Variants in RUFY1 observed in about 807,000 individuals in gnomAD.
RUFY1 encodes the protein RUN and FYVE domain containing 1, also known as RUN and FYVE domain-containing protein 1.
Under a neutral mutation model 94.6 loss-of-function variants are expected in RUFY1, and 54 were observed. The observed-to-expected ratio is 0.57, with a 90% CI of 0.46 to 0.72. RUFY1 has a LOEUF of 0.72. Ranked by LOEUF, RUFY1 falls within the 30% of genes least tolerant of loss-of-function variation. The probability of loss-of-function intolerance (pLI) is 0.00; values close to 1 mark genes in which losing one functional copy is unlikely to be tolerated. For missense variants in RUFY1, 883 were observed against 883.9 expected, an observed-to-expected ratio of 1.00 and a Z score of 0.01; for synonymous variants, 396 against 347.3, an observed-to-expected ratio of 1.14 and a Z score of -1.56.
At chr5:179,589,739 T>C in intron 9 of RUFY1, 92 bp downstream of exon 9, 1 of 986,864 alleles carries the variant, frequency 1.0e-6, no homozygotes. Flanking sequence ...CAACCCAGTC[T>C]TCAGAATGCA....
Position 179,550,603 on chromosome 5 carries a change from C to CG in RUFY1, c.39dup (p.Arg14AlafsTer18), listed in dbSNP as rs1237636339. On this transcript the variant is annotated frameshift_variant, in exon 1 of 18. Coordinates refer to ENST00000319449, the MANE Select transcript of RUFY1 (RefSeq NM_025158.5). LOFTEE classifies it high-confidence loss of function. ...CCGGGAAGGCGGCTGCGCTGCTGGG[C>CG]GGGGGCGGGAGCTGGAGCCGGAGCT... 7.4e-7 allele frequency: 1 copy of CG among 1,359,124 alleles called. No homozygotes were observed. The highest frequency in any genetic ancestry group is 1.8e-5 in the African/African-American group (1 of 54,068). 84.2% of individuals were successfully genotyped at this position (1,359,124 alleles called of 1,614,324 possible).
Position 179,550,720 on chromosome 5 carries a change from C to T in RUFY1, c.151C>T (p.Arg51Trp), listed in dbSNP as rs541260898. Residue 51 changes from arginine (R) to tryptophan (W), a missense_variant, in exon 1 of 18, where the codon CGG becomes TGG. By Grantham distance (101) the Arg-to-Trp change is moderately radical. Transcript: ENST00000319449. The stretch of plus-strand genomic sequence containing the variant: ...CCAGCTGCCCGGCCCAGGCGACCTG[C>T]GGAGCGCAACGAGGCCGCGGGCGGC... ...RSQLPGPGDL[R>W]SATRPRAAEG... 2 of 1,482,754 alleles carry T rather than the reference C, an allele frequency of 1.3e-6. No individual in the cohort carries two copies. Among genetic ancestry groups the T allele is most frequent in the South Asian group, 1.3e-5 (1 of 79,160 alleles). The allele number at this position is 1,482,754 out of a possible 1,614,324, so 91.8% of individuals were successfully genotyped here.
intron 2 of RUFY1, among the ~76,000 whole-genome samples, chr5:179,560,561 A>AC: frequency 6.6e-6 from 1 of 151,222 alleles, no homozygotes; most frequent in South Asian, 2.1e-4. Flanking sequence ...CTACTAAAAA[A>AC]AAAAAATACA....
At chr5:179,603,659 G>T (rs1168797318) in intron 15 of RUFY1, 1 of 152,296 alleles carries the variant, frequency 6.6e-6, no homozygotes, top group Non-Finnish European at 1.5e-5. Context: ...GGGGTTTGCA[G>T]CCAGTGTTTT....
chr5:179,568,841 C>T (rs1009016827), intron 4 of RUFY1, among the ~76,000 whole-genome samples: 2 of 152,122 alleles, frequency 1.3e-5, no homozygotes, highest in African/African-American at 4.8e-5. Context: ...TGCAAATGGC[C>T]GCGATAACTG....
intron 7 of RUFY1, among the ~76,000 whole-genome samples, chr5:179,582,077 T>C (rs915595732): frequency 6.6e-6 from 1 of 152,174 alleles, no homozygotes; most frequent in Non-Finnish European, 1.5e-5. Context: ...GAAATAGATA[T>C]TAAATTTTAG....
intron 3 of RUFY1, 144 bp downstream of exon 3, chr5:179,562,808 A>C: frequency 3.3e-6 from 2 of 609,170 alleles, no homozygotes; most frequent in East Asian, 2.8e-5. Context: ...GCAAGACTTG[A>C]CTCTCTCTGA....
At chr5:179,594,816 T>TGCAAG (rs757597434) in intron 11 of RUFY1, 50 bp from the exon 12 acceptor site, 4 of 1,039,216 alleles carry the variant, frequency 3.8e-6, no homozygotes, top group Non-Finnish European at 5.9e-6. Context: ...CCAGAGCAGG[T>TGCAAG]GCAAGGATGT....
rs571192204 is a variant in RUFY1, at chr5:179,553,210, G to A, written c.310+2331G>A. Among the ~76,000 whole-genome samples the A allele has an allele frequency of 4.6e-5, 7 of 152,352 alleles. No homozygotes were observed. In the East Asian group the frequency reaches 1.3e-3, roughly 29 times the overall value. ...TTGGGATTGCACCCTCCGAATCTCA[G>A]GGCAGGGTGGCTGGTACCACAGCAC... is the stretch of plus-strand genomic sequence containing the variant. On this transcript the variant is annotated intron_variant, in intron 1 of 17. Transcript: ENST00000319449.
intron 6 of RUFY1, among the ~76,000 whole-genome samples, chr5:179,580,526 G>A (rs1442786786): frequency 6.6e-6 from 1 of 150,454 alleles, no homozygotes; most frequent in African/African-American, 2.4e-5. Context: ...ACAGGCGTGA[G>A]CCACCACGCC....
rs928461673 is a variant in RUFY1, at chr5:179,585,716, ATCTC to A, written c.957-76_957-73del. On this transcript the variant is annotated intron_variant, in intron 7 of 17. Transcript: ENST00000319449. ...TCCATTTCATACAGGAAATCTAGGA[ATCTC>A]TCTTACTGTTTACAGATTGAGAAAA... 6 of 1,020,674 alleles carry A rather than the reference ATCTC, an allele frequency of 5.9e-6. No individual in the cohort carries two copies. In the South Asian group the frequency reaches 6.9e-5, roughly 12 times the overall value. The allele number at this position is 1,020,674 out of a possible 1,614,324, so 63.2% of individuals were successfully genotyped here. A position where few individuals can be genotyped will look rare whatever the true frequency, so the allele number is the denominator to read the frequency against.
At chr5:179,595,656 A>G (rs765619243) in intron 12 of RUFY1, among the ~76,000 whole-genome samples, 2 of 151,788 alleles carry the variant, frequency 1.3e-5, no homozygotes, top group Non-Finnish European at 2.9e-5. Context: ...GGTTCAAGCA[A>G]TTCTCCTGCC....
chr5:179,560,457 C>T (rs1410677173), intron 2 of RUFY1, among the ~76,000 whole-genome samples: 2 of 152,068 alleles, frequency 1.3e-5, no homozygotes, highest in South Asian at 2.1e-4. Context: ...CGGTGGCTCA[C>T]GCCTGTAATC....
At chr5:179,568,551 A>G (rs1762999932) in intron 4 of RUFY1, among the ~76,000 whole-genome samples, 1 of 152,228 alleles carries the variant, frequency 6.6e-6, no homozygotes, top group African/African-American at 2.4e-5. Flanking sequence ...ACACTGAGTA[A>G]CTTTGAGTTA....
intron 2 of RUFY1, among the ~76,000 whole-genome samples, chr5:179,562,135 C>T (rs375395020): frequency 7.3e-5 from 11 of 151,188 alleles, no homozygotes; most frequent in African/African-American, 2.2e-4. Flanking sequence ...TTAAGCAGGC[C>T]GGGCGCTGTG....
At chr5:179,561,822 A>G (rs1762484472) in intron 2 of RUFY1, among the ~76,000 whole-genome samples, 1 of 150,008 alleles carries the variant, frequency 6.7e-6, no homozygotes, top group South Asian at 2.1e-4. Flanking sequence ...AGCTGGGACT[A>G]CAGACGCCCA....
intron 1 of RUFY1, chr5:179,555,515 A>C (rs1762068245): frequency 3.5e-6 from 1 of 283,746 alleles, no homozygotes; most frequent in East Asian, 1.3e-4. Flanking sequence ...TGAGATGGCA[A>C]AACACTGCCA....
At chr5:179,555,246 G>C (rs1762052446) in intron 1 of RUFY1, among the ~76,000 whole-genome samples, 5 of 152,192 alleles carry the variant, frequency 3.3e-5, no homozygotes, top group Admixed American at 3.3e-4. Context: ...AGGCCAACGA[G>C]AGAGGATTGC....
At chr5:179,605,804 A>C in intron 15 of RUFY1, 72 bp from the exon 16 acceptor site, 1 of 1,001,424 alleles carries the variant, frequency 1.0e-6, no homozygotes, top group Non-Finnish European at 1.6e-6. Context: ...TAGTCCTGAG[A>C]GCCAGCTGTG....
Sources: gnomAD v4.1 joint callset for allele counts (sites outside exome capture counted in the v4.1 genomes callset) on GRCh38, gnomAD v4.1.1 for gene constraint, MANE v1.5 for transcripts, NCBI Gene and HGNC (gene_info 2026-07-23, HGNC 2026-07-21) for gene names.